Variants in SEC23B observed in about 807,000 individuals in gnomAD.
SEC23B encodes the protein protein transport protein Sec23B.
SEC23B carries 77 observed loss-of-function variants against 104.3 expected under a neutral mutation model. The ratio of observed to expected loss-of-function variants is 0.74; its 90% CI spans 0.61 to 0.89. The LOEUF (loss-of-function observed/expected upper bound fraction) is 0.89. SEC23B is among the 40% of genes least tolerant of loss of function. The pLI is 0.00. For missense variants in SEC23B, 885 were observed against 949.4 expected (o/e 0.93, Z 0.89); for synonymous variants, 338 against 332.5 (o/e 1.02, Z -0.18).
Position 18,561,038 on chromosome 20 carries a change from G to C in SEC23B, c.*298G>C. 2.6e-6 allele frequency: 1 copy of C among 378,026 alleles called. No individual in the cohort carries two copies. The highest frequency in any genetic ancestry group is 5.0e-6 in the Non-Finnish European group (1 of 202,002). 23.4% of individuals were successfully genotyped at this position (378,026 alleles called of 1,614,324 possible). On this transcript the variant is annotated 3_prime_UTR_variant, in exon 20 of 20. Transcript: ENST00000650089. Reference sequence around the variant, plus strand: ...ATGTATTTTGGCAGCTTGTTTAGGTGAGAATCTTAATGATCATAAAGGAAA... The same window carrying C: ...ATGTATTTTGGCAGCTTGTTTAGGTCAGAATCTTAATGATCATAAAGGAAA...
chr20:18,521,814 G>T (rs560209111), intron 4 of SEC23B, among the ~76,000 whole-genome samples: 1 of 152,106 alleles, frequency 6.6e-6, no homozygotes, highest in Admixed American at 6.5e-5. Context: ...GGGACGAGTC[G>T]CATTGGGAGC....
chr20:18,551,101 G>T lies in SEC23B; in HGVS notation c.1918G>T (p.Asp640Tyr). The T allele has an allele frequency of 6.2e-7, 1 of 1,605,466 alleles. No homozygotes were observed. Residue 640 changes from aspartate (D) to tyrosine (Y), a missense_variant, in exon 17 of 20, where the codon GAT becomes TAT. By Grantham distance (160) the Asp-to-Tyr change is radical. Coordinates refer to ENST00000650089, the MANE Select transcript of SEC23B (RefSeq NM_006363.6). ...TCTTTTTCTTCAGCCAGTACTCTTG[G>T]ATAGCAGCAGCATTCTAGCTGACAG... ...FHGPPEPVLL[D>Y]SSSILADRIL...
At chr20:18,558,800 T>C (rs904955427) in intron 19 of SEC23B, among the ~76,000 whole-genome samples, 7 of 152,204 alleles carry the variant, frequency 4.6e-5, no homozygotes, top group Non-Finnish European at 8.8e-5. Context: ...TCCTATTTTT[T>C]CATTTGTTTC....
At chr20:18,549,898 C>T (rs1340686369) in intron 16 of SEC23B, among the ~76,000 whole-genome samples, 1 of 151,726 alleles carries the variant, frequency 6.6e-6, no homozygotes, top group Non-Finnish European at 1.5e-5. Flanking sequence ...CACTTGAACC[C>T]CGGAGGCGGA....
intron 3 of SEC23B, among the ~76,000 whole-genome samples, chr20:18,513,262 C>T (rs1203776712): frequency 2.0e-5 from 3 of 151,880 alleles, no homozygotes; most frequent in African/African-American, 2.4e-5. Flanking sequence ...GCAGGAGAAT[C>T]GCTTGAACCC....
chr20:18,537,613 C>T (rs1307569853), intron 12 of SEC23B, among the ~76,000 whole-genome samples: 1 of 152,112 alleles, frequency 6.6e-6, no homozygotes, highest in Admixed American at 6.6e-5. Context: ...GGAGGAATAA[C>T]ATTAGGAGAT....
chr20:18,532,580 C>T (rs536931234), intron 10 of SEC23B, 84 bp from the exon 11 acceptor site: 7 of 967,642 alleles, frequency 7.2e-6, no homozygotes, highest in Non-Finnish European at 1.0e-5. Context: ...TTATATTTTC[C>T]CTCTAAGCTT....
intron 10 of SEC23B, among the ~76,000 whole-genome samples, chr20:18,532,229 T>C (rs1413663942): frequency 6.6e-6 from 1 of 152,238 alleles, no homozygotes; most frequent in African/African-American, 2.4e-5. Context: ...CTAAGTATGT[T>C]GGCCTTGTCG....
intron 4 of SEC23B, among the ~76,000 whole-genome samples, chr20:18,517,544 G>A (rs1051227808): frequency 2.0e-5 from 3 of 152,150 alleles, no homozygotes; most frequent in African/African-American, 2.4e-5. Flanking sequence ...GGGTTCAGAG[G>A]CCTGACATTC....
At chr20:18,538,096 A>G (rs1019729223) in intron 12 of SEC23B, among the ~76,000 whole-genome samples, 1 of 151,972 alleles carries the variant, frequency 6.6e-6, no homozygotes, top group Admixed American at 6.6e-5. Flanking sequence ...GGTGCCAGCC[A>G]CCATGTCTGG....
chr20:18,508,220 C>A (rs868486574), intron 1 of SEC23B: 3 of 152,264 alleles, frequency 2.0e-5, no homozygotes, highest in South Asian at 4.1e-4. Flanking sequence ...GACCCAAGTC[C>A]CGTTTTATAG....
At chr20:18,526,661 C>A in intron 8 of SEC23B, 130 bp downstream of exon 8, 3 of 962,188 alleles carry the variant, frequency 3.1e-6, no homozygotes, top group Non-Finnish European at 5.0e-6. Flanking sequence ...GACAGTTTTC[C>A]AATCTTAGCT....
At chr20:18,542,224 A>G (rs949102203) in intron 12 of SEC23B, 72 bp from the exon 13 acceptor site, 5 of 1,246,180 alleles carry the variant, frequency 4.0e-6, no homozygotes, top group Non-Finnish European at 5.9e-6. Flanking sequence ...ATTTTAGAAG[A>G]GTACAGTGGG....
Position 18,560,108 on chromosome 20 carries a change from GTATA to G in SEC23B, c.2215-531_2215-528del, listed in dbSNP as rs1555792439. Among the ~76,000 whole-genome samples, 10 of 150,866 alleles carry G rather than the reference GTATA, an allele frequency of 6.6e-5. 1 individual carries two copies. The highest frequency in any genetic ancestry group is 6.0e-4 in the Admixed American group (9 of 15,116). ...GTAAAGTGTATTATTGTGTGTGTGT[GTATA>G]TATATATATATTTTTAATTTCTTTA... On this transcript the variant is annotated intron_variant, in intron 19 of 19. Coordinates refer to ENST00000650089, the MANE Select transcript of SEC23B (RefSeq NM_006363.6).
At chr20:18,533,131 T>TA (rs757656534) in intron 11 of SEC23B, among the ~76,000 whole-genome samples, 1 of 152,210 alleles carries the variant, frequency 6.6e-6, no homozygotes, top group African/African-American at 2.4e-5. Context: ...TTAGAGGTGA[T>TA]ACGTTTGTCT....
intron 3 of SEC23B, 43 bp from the exon 4 acceptor site, chr20:18,515,607 T>G: frequency 8.8e-7 from 1 of 1,131,448 alleles, no homozygotes; most frequent in South Asian, 1.2e-5. Context: ...AAAAGTGTAA[T>G]ATAGTTATGC....
chr20:18,554,970 TTCTAATTAGATTACTGTGCAGTAAAAC>T, intron 18 of SEC23B, 111 bp from the exon 19 acceptor site: 13 of 70,080 alleles, frequency 1.9e-4, no homozygotes, highest in South Asian at 1.0e-3. Context: ...AGTAAAACAA[TTCTAATTAGATTACTGTGCAGTAAAAC>T]AATTCTAATT....
intron 9 of SEC23B, among the ~76,000 whole-genome samples, chr20:18,529,598 C>T (rs2060164847): frequency 6.6e-6 from 1 of 152,210 alleles, no homozygotes; most frequent in South Asian, 2.1e-4. Context: ...TGGCTCAAGA[C>T]AGTTGCTGGA....
At chr20:18,543,312 C>G in intron 14 of SEC23B, 140 bp downstream of exon 14, 2 of 1,053,818 alleles carry the variant, frequency 1.9e-6, no homozygotes, top group South Asian at 1.3e-5. Context: ...GCTGGACATT[C>G]TGTTAAAGAC....
Sources: allele counts gnomAD v4.1 joint callset (sites outside exome capture counted in the v4.1 genomes callset), GRCh38; gene constraint gnomAD v4.1.1; transcripts MANE v1.5; gene names NCBI Gene and HGNC (gene_info 2026-07-23, HGNC 2026-07-21).